Variants in TMEM150C observed in about 807,000 individuals in gnomAD.
The protein encoded by TMEM150C is tentonin 3.
In TMEM150C, 10 loss-of-function variants were observed where a neutral mutation model predicts 29.9. The observed-to-expected ratio is 0.33, with a 90% CI of 0.21 to 0.57. The LOEUF (loss-of-function observed/expected upper bound fraction) is 0.57. Ranked by LOEUF, TMEM150C falls within the 20% of genes least tolerant of loss-of-function variation. The pLI is 0.88. For synonymous variants in TMEM150C, 101 were observed against 112.5 expected, an observed-to-expected ratio of 0.90 and a Z score of 0.64; for missense variants, 251 against 303.6, an observed-to-expected ratio of 0.83 and a Z score of 1.29.
At chr4:82,537,007 G>T (rs1725033053) in intron 1 of TMEM150C, among the ~76,000 whole-genome samples, 1 of 151,970 alleles carries the variant, frequency 6.6e-6, no homozygotes. Context: ...TTTGAGACTG[G>T]ATCTCACTCT....
At chr4:82,515,133 CT>C (rs147663031) in intron 1 of TMEM150C, among the ~76,000 whole-genome samples, 2,316 of 152,234 alleles carry the variant, frequency 0.015, 55 homozygotes, top group African/African-American at 0.052. Context: ...GTGACACTAA[CT>C]TAACAGAACC....
intron 1 of TMEM150C, among the ~76,000 whole-genome samples, chr4:82,528,601 G>C (rs111840018): frequency 6.9e-6 from 1 of 145,964 alleles, no homozygotes; most frequent in African/African-American, 2.6e-5. Context: ...ACTTTTCCTC[G>C]TCCCTTTTTT....
At chr4:82,507,274 A>G (rs1723956732) in intron 1 of TMEM150C, among the ~76,000 whole-genome samples, 1 of 152,224 alleles carries the variant, frequency 6.6e-6, no homozygotes, top group South Asian at 2.1e-4. Context: ...TTAATGTACA[A>G]TGGGAGGCAC....
intron 1 of TMEM150C, among the ~76,000 whole-genome samples, chr4:82,513,566 T>TA (rs960613493): frequency 1.4e-4 from 20 of 147,992 alleles, no homozygotes; most frequent in African/African-American, 1.5e-4. Context: ...CTGTTGACCT[T>TA]AAAAAAAAAA....
chr4:82,529,941 G>A (rs531148616), intron 1 of TMEM150C, among the ~76,000 whole-genome samples: 1 of 152,190 alleles, frequency 6.6e-6, no homozygotes, highest in Non-Finnish European at 1.5e-5. Flanking sequence ...AAGAAGTAGA[G>A]GCTGAAAGTA....
intron 1 of TMEM150C, among the ~76,000 whole-genome samples, chr4:82,517,661 G>A (rs1225296190): frequency 6.6e-6 from 1 of 152,082 alleles, no homozygotes; most frequent in South Asian, 2.1e-4. Context: ...CTTCAGCTTC[G>A]GACTGAGAGT....
rs902408727 is a variant in TMEM150C, at chr4:82,554,197, A to T, written c.-11+7709T>A. 3.9e-5 allele frequency among the ~76,000 whole-genome samples: 6 copies of T among 152,338 alleles called. No individual in the cohort carries two copies. The Middle Eastern group carries it at 0.01, about 259-fold the overall frequency. On this transcript the variant is annotated intron_variant, in intron 1 of 7. Transcript: ENST00000449862. ...AGTTAATATTCCTGCTACTACATGT[A>T]GGTATATTTTAGTTATCAGTGTTTC...
intron 1 of TMEM150C, among the ~76,000 whole-genome samples, chr4:82,547,712 G>A (rs754753121): frequency 5.3e-5 from 8 of 152,198 alleles, no homozygotes; most frequent in Non-Finnish European, 1.2e-4. Flanking sequence ...AACAGATGTT[G>A]GCAAGGCTGC....
At chr4:82,553,454 G>A (rs768198857) in intron 1 of TMEM150C, among the ~76,000 whole-genome samples, 4 of 152,188 alleles carry the variant, frequency 2.6e-5, no homozygotes, top group African/African-American at 9.7e-5. Flanking sequence ...AAGTGGAATG[G>A]AGTCTCATCC....
chr4:82,505,069 A>C (rs1288919338), intron 1 of TMEM150C, among the ~76,000 whole-genome samples: 1 of 152,224 alleles, frequency 6.6e-6, no homozygotes, highest in African/African-American at 2.4e-5. Context: ...TGAAAAAAAA[A>C]GTGTATTTTA....
intron 1 of TMEM150C, among the ~76,000 whole-genome samples, chr4:82,556,769 CA>C (rs748404399): frequency 1.8e-3 from 267 of 150,094 alleles, no homozygotes; most frequent in African/African-American, 5.5e-3. Context: ...TATAAATCTC[CA>C]AAAAAAAATA....
At chr4:82,537,856 G>A (rs1725061333) in intron 1 of TMEM150C, among the ~76,000 whole-genome samples, 8 of 152,128 alleles carry the variant, frequency 5.3e-5, no homozygotes, top group Admixed American at 5.2e-4. Flanking sequence ...CTCCCCTAGA[G>A]CCTTCAATAG....
In TMEM150C at chr4:82,490,086, T is replaced by C. The variant is rs1407063473; in HGVS notation, c.516A>G (p.Ala172=). 1 of 1,614,020 alleles carries C rather than the reference T, an allele frequency of 6.2e-7. No individual in the cohort carries two copies. Among genetic ancestry groups the C allele is most frequent in the Non-Finnish European group, 8.5e-7 (1 of 1,179,874 alleles). ...AGAGGACCACACAGAGAGTGATAGATGCCGACAGAATAACCCGTGGAATTC... is the reference window on the plus strand; with the variant it reads ...AGAGGACCACACAGAGAGTGATAGACGCCGACAGAATAACCCGTGGAATTC... ...RVGIPRVILS[A]SITLCVVLYF... Residue 172 remains alanine, a synonymous_variant, in exon 7 of 8, where the codon GCA becomes GCG. Coordinates refer to ENST00000449862, the MANE Select transcript of TMEM150C (RefSeq NM_001080506.3).
intron 1 of TMEM150C, among the ~76,000 whole-genome samples, chr4:82,521,596 A>C (rs190227314): frequency 1.3e-5 from 2 of 152,378 alleles, no homozygotes; most frequent in East Asian, 3.9e-4. Flanking sequence ...GGTAGCATTC[A>C]AGCTGGGCCT....
chr4:82,485,396 A>G lies in TMEM150C; in HGVS notation c.*115T>C, dbSNP rs1578115642. 1.7e-5 allele frequency: 12 copies of G among 694,310 alleles called. 1 individual carries two copies. In the South Asian group the frequency reaches 2.2e-4, roughly 13 times the overall value. 43.0% of individuals were successfully genotyped at this position (694,310 alleles called of 1,614,324 possible). On this transcript the variant is annotated 3_prime_UTR_variant, in exon 8 of 8. Coordinates refer to ENST00000449862, the MANE Select transcript of TMEM150C (RefSeq NM_001080506.3). Reference sequence around the variant, plus strand: ...GCTCATTTGGCAAATGTGGCCATGAATGTGTGTGTGTGTGTGTGTGTGAAA... The same window carrying G: ...GCTCATTTGGCAAATGTGGCCATGAGTGTGTGTGTGTGTGTGTGTGTGAAA...
intron 1 of TMEM150C, among the ~76,000 whole-genome samples, chr4:82,555,175 C>T (rs754396890): frequency 2.6e-5 from 4 of 152,168 alleles, no homozygotes; most frequent in Non-Finnish European, 4.4e-5. Context: ...CTTCTTTTGT[C>T]ATATGAAATT....
At chr4:82,501,016 A>G (rs1723720588) in intron 5 of TMEM150C, among the ~76,000 whole-genome samples, 2 of 152,240 alleles carry the variant, frequency 1.3e-5, no homozygotes, top group African/African-American at 4.8e-5. Context: ...CTGCAGGCCT[A>G]CGTGCTATAA....
chr4:82,515,343 A>G (rs1578135691), intron 1 of TMEM150C, among the ~76,000 whole-genome samples: 1 of 152,226 alleles, frequency 6.6e-6, no homozygotes, highest in Non-Finnish European at 1.5e-5. Context: ...TATTCAGCAC[A>G]GCACCCTGAG....
chr4:82,550,160 G>T (rs940310794), intron 1 of TMEM150C, among the ~76,000 whole-genome samples: 3 of 152,168 alleles, frequency 2.0e-5, no homozygotes, highest in African/African-American at 7.2e-5. Flanking sequence ...TCCCCATGCT[G>T]TTCTCATGGT....
Sources: allele counts gnomAD v4.1 joint callset (sites outside exome capture counted in the v4.1 genomes callset), GRCh38; gene constraint gnomAD v4.1.1; transcripts MANE v1.5; gene names NCBI Gene and HGNC (gene_info 2026-07-23, HGNC 2026-07-21).